Variants in COL6A5 observed in about 807,000 individuals in gnomAD.
The protein encoded by COL6A5 is collagen alpha-5(VI) chain.
In COL6A5, 48 loss-of-function variants were observed where a neutral mutation model predicts 65.6. The ratio of observed to expected loss-of-function variants is 0.73; its 90% CI spans 0.58 to 0.93. The LOEUF (loss-of-function observed/expected upper bound fraction) is 0.93. COL6A5 is among the 40% of genes least tolerant of loss of function. The probability of loss-of-function intolerance (pLI) is 0.00; values close to 1 mark genes in which losing one functional copy is unlikely to be tolerated. For synonymous variants in COL6A5, 291 were observed against 322.8 expected (o/e 0.90, Z 1.05); for missense variants, 914 against 928.3 (o/e 0.98, Z 0.20).
rs191245688 is a variant in COL6A5 at position 130,396,320 on chromosome 3, A to G, written c.3568+855A>G. On this transcript the variant is annotated intron_variant and NMD_transcript_variant, in intron 8 of 41. Transcript: ENST00000312481. ...AATCACTTCTTTCACAAAATGTGAT[A>G]GTCTTTCCAAACTCTCCACATCTTA... Among the ~76,000 whole-genome samples, 107 of 152,346 alleles carry G rather than the reference A, an allele frequency of 7.0e-4. 3 individuals are homozygous for G. The East Asian group carries it at 0.011, about 16-fold the overall frequency.
chr3:130,472,435 G>C (rs1709974513), intron 7 of COL6A5, among the ~76,000 whole-genome samples: 1 of 152,002 alleles, frequency 6.6e-6, no homozygotes, highest in African/African-American at 2.4e-5. Context: ...TCCATAGGCT[G>C]GGTGGAGAAA....
At chr3:130,361,229 C>T (rs1358934780) in intron 1 of COL6A5, among the ~76,000 whole-genome samples, 1 of 152,066 alleles carries the variant, frequency 6.6e-6, no homozygotes, top group Non-Finnish European at 1.5e-5. Context: ...ATCGTCTGTG[C>T]TCCACCTGTT....
intron 2 of COL6A5, among the ~76,000 whole-genome samples, chr3:130,373,931 A>G (rs11914702): frequency 0.26 from 39,228 of 152,098 alleles, 6,542 homozygotes; most frequent in African/African-American, 0.47. Context: ...ATTATCCATT[A>G]ATTTGCTTCA....
chr3:130,468,652 C>T (rs1709873536), intron 5 of COL6A5, 143 bp from the exon 38 acceptor site: 1 of 630,968 alleles, frequency 1.6e-6, no homozygotes, highest in South Asian at 2.0e-5. Context: ...CATCTGGGAA[C>T]AAGCAATGTG....
intron 7 of COL6A5, among the ~76,000 whole-genome samples, chr3:130,393,074 TTTTG>T (rs962169316): frequency 1.3e-5 from 1 of 79,708 alleles, no homozygotes; most frequent in African/African-American, 6.5e-5. Flanking sequence ...AGTGTTTTTT[TTTTG>T]TGTGTGTGTG....
At chr3:130,416,133 C>T (rs1008400434) in intron 23 of COL6A5, among the ~76,000 whole-genome samples, 1 of 152,112 alleles carries the variant, frequency 6.6e-6, no homozygotes, top group African/African-American at 2.4e-5. Flanking sequence ...CCTATGTTCA[C>T]CTCTTGAATT....
rs368294473 is a variant in COL6A5, at chr3:130,439,462, G to T, written c.488-60G>T. 2.3e-5 allele frequency: 29 copies of T among 1,251,144 alleles called. No homozygotes were observed. The South Asian group carries it at 3.2e-4, about 14-fold the overall frequency. 77.5% of individuals were successfully genotyped at this position (1,251,144 alleles called of 1,614,324 possible). ...GTTTTTTAAACTAATCCTTAAAGTG[G>T]TTTCCTACTAGTGACTAAAAACAAT... On this transcript the variant is annotated intron_variant, in intron 1 of 7. Transcript: ENST00000512836.
intron 5 of COL6A5, among the ~76,000 whole-genome samples, chr3:130,462,225 A>G (rs1415310482): frequency 6.6e-6 from 1 of 152,050 alleles, no homozygotes; most frequent in Non-Finnish European, 1.5e-5. Context: ...TTAGAACTTG[A>G]CCAGTGACTT....
intron 12 of COL6A5, among the ~76,000 whole-genome samples, chr3:130,402,712 C>G (rs1012002660): frequency 5.9e-5 from 9 of 152,118 alleles, no homozygotes; most frequent in African/African-American, 2.2e-4. Flanking sequence ...TGCTCTATTT[C>G]TTGACCTGCA....
chr3:130,455,710 G>T (rs751760806), intron 5 of COL6A5, 44 bp downstream of exon 37: 1 of 1,467,592 alleles, frequency 6.8e-7, no homozygotes, highest in South Asian at 1.2e-5. Flanking sequence ...AAATAGCCAG[G>T]ATCCTCATCT....
chr3:130,440,024 T>G lies in COL6A5; in HGVS notation c.582-142T>G, dbSNP rs1709136103. On this transcript the variant is annotated intron_variant, in intron 2 of 7. Transcript: ENST00000512836. ...TACCGGGACATTGAAAATTTCTCATTAATTTAAATTATGTGAGATCAAAGA... is the reference window on the plus strand; with the variant it reads ...TACCGGGACATTGAAAATTTCTCATGAATTTAAATTATGTGAGATCAAAGA... 4.1e-6 allele frequency: 3 copies of G among 740,108 alleles called. No homozygotes were observed. In the Admixed American group the frequency reaches 8.8e-5, roughly 22 times the overall value. 45.8% of individuals were successfully genotyped at this position (740,108 alleles called of 1,614,324 possible).
At chr3:130,391,415 A>G (rs1489700251) in exon 7 of COL6A5, 3 of 1,551,598 alleles carry the variant, frequency 1.9e-6, no homozygotes, top group Non-Finnish European at 2.6e-6. Flanking sequence ...GCGGAAGCGC[A>G]GGGACACTGG....
At chr3:130,400,922 T>C (rs55706055) in intron 10 of COL6A5, 109 bp from the exon 11 acceptor site, 23,816 of 908,256 alleles carry the variant, frequency 0.026, 431 homozygotes, top group Middle Eastern at 0.035. Context: ...TTTGTTTTTT[T>C]CCCCTTTTCA....
Position 130,415,708 on chromosome 3 carries a change from G to A in COL6A5, c.4824+1G>A, listed in dbSNP as rs1458096383. Reference sequence around the variant, plus strand: ...AAGCCAGGGGCAGAAAGGACCTCAGGTGAGTGACTCGGAGACATTAGGCTC... The same window carrying A: ...AAGCCAGGGGCAGAAAGGACCTCAGATGAGTGACTCGGAGACATTAGGCTC... On this transcript the variant is annotated splice_donor_variant and NMD_transcript_variant, in intron 23 of 41. Coordinates refer to the COL6A5 transcript ENST00000312481. 69 of 1,547,650 alleles carry A rather than the reference G, an allele frequency of 4.5e-5. No homozygotes were observed. The highest frequency in any genetic ancestry group is 1.7e-4 in the Middle Eastern group (1 of 6,000).
chr3:130,465,497 G>A (rs1420755616), intron 5 of COL6A5, among the ~76,000 whole-genome samples: 1 of 152,006 alleles, frequency 6.6e-6, no homozygotes, highest in African/African-American at 2.4e-5. Flanking sequence ...AACTTAGGAA[G>A]GTCTTGGCTC....
chr3:130,399,381 T>TC (rs906856803), intron 10 of COL6A5, among the ~76,000 whole-genome samples: 3 of 151,340 alleles, frequency 2.0e-5, no homozygotes, highest in African/African-American at 7.3e-5. Context: ...TTTTTTTTTT[T>TC]TTTTTTTGAG....
intron 6 of COL6A5, among the ~76,000 whole-genome samples, chr3:130,390,951 T>C (rs1322104540): frequency 1.3e-5 from 2 of 152,150 alleles, no homozygotes; most frequent in Non-Finnish European, 2.9e-5. Flanking sequence ...TGGAGTGATA[T>C]AGATAGGGTA....
chr3:130,403,181 A>T (rs964105944), intron 12 of COL6A5, among the ~76,000 whole-genome samples: 2 of 152,240 alleles, frequency 1.3e-5, no homozygotes, highest in Non-Finnish European at 2.9e-5. Context: ...ATTAAAATAT[A>T]TGCAATCTTG....
At chr3:130,373,151 C>T (rs1935628280) in intron 1 of COL6A5, among the ~76,000 whole-genome samples, 1 of 152,078 alleles carries the variant, frequency 6.6e-6, no homozygotes, top group African/African-American at 2.4e-5. Context: ...AGTGGCATAA[C>T]AATAAAGGGT....
Sources: allele counts gnomAD v4.1 joint callset (sites outside exome capture counted in the v4.1 genomes callset), GRCh38; gene constraint gnomAD v4.1.1; transcripts MANE v1.5; gene names NCBI Gene and HGNC (gene_info 2026-07-23, HGNC 2026-07-21).